The following SULF2 variants were observed in gnomAD, a reference collection of about 807,000 sequenced individuals.
SULF2 encodes sulfatase 2.
A neutral mutation model predicts 107.7 loss-of-function variants in SULF2; 52 were observed. The ratio of observed to expected loss-of-function variants is 0.48; its 90% CI spans 0.39 to 0.61. The LOEUF is 0.61. Ranked by LOEUF, SULF2 falls within the 20% of genes least tolerant of loss-of-function variation. The probability of loss-of-function intolerance (pLI) is 0.00; values close to 1 mark genes in which losing one functional copy is unlikely to be tolerated. For synonymous variants in SULF2, 460 were observed against 464.3 expected (o/e 0.99, Z 0.12); for missense variants, 993 against 1,177.3 (o/e 0.84, Z 2.29).
In SULF2 at chr20:47,761,491, C is replaced by T. The variant is rs144697461; in HGVS notation, c.-100-4028G>A. ...TTTTGGGAAAAGAAAACTTCCTACC[C>T]AAAGATAAATGGAAAGTGGACATCG... is the stretch of plus-strand genomic sequence containing the variant. On this transcript the variant is annotated intron_variant, in intron 1 of 20. Transcript: ENST00000688720. 5.0e-3 allele frequency among the ~76,000 whole-genome samples: 764 copies of T among 152,320 alleles called. 8 individuals are homozygous for T. The highest frequency in any genetic ancestry group is 0.017 in the African/African-American group (723 of 41,558).
intron 3 of SULF2, among the ~76,000 whole-genome samples, chr20:47,717,552 C>T (rs905882771): frequency 2.0e-5 from 3 of 152,144 alleles, no homozygotes; most frequent in East Asian, 1.9e-4. Context: ...ACTCAGCCTC[C>T]GAGAGCTCCT....
chr20:47,718,619 A>G (rs575749261), intron 3 of SULF2, among the ~76,000 whole-genome samples: 1 of 152,314 alleles, frequency 6.6e-6, no homozygotes, highest in African/African-American at 2.4e-5. Context: ...GGTTGGTTCC[A>G]GGCTATTTTT....
Position 47,766,828 on chromosome 20 carries a change from A to C in SULF2, c.-100-9365T>G, listed in dbSNP as rs567852999. On this transcript the variant is annotated intron_variant, in intron 1 of 20. Coordinates refer to ENST00000688720, the MANE Select transcript of SULF2 (RefSeq NM_001387048.1). ...TTTAGAAACAATGTATTCAAGTCTT[A>C]GGAAGCTGAGCACCAAAATGTTTTG... Among the ~76,000 whole-genome samples, 19 of 152,350 alleles carry C rather than the reference A, an allele frequency of 1.2e-4. No homozygotes were observed. In the South Asian group the frequency reaches 3.9e-3, roughly 32 times the overall value.
intron 14 of SULF2, 111 bp downstream of exon 14, chr20:47,665,088 G>GAAGATA: frequency 1.3e-6 from 1 of 771,910 alleles, no homozygotes; most frequent in South Asian, 1.5e-5. Flanking sequence ...CATGAGGGGA[G>GAAGATA]AAGATAAAGA....
chr20:47,745,402 AAAAAAAAAATATATATATATATAT>A (rs2089998515), intron 2 of SULF2, among the ~76,000 whole-genome samples: 2 of 26,862 alleles, frequency 7.4e-5, no homozygotes, highest in African/African-American at 4.2e-4. Context: ...AAAAAAAAAA[AAAAAAAAAATATATATATATATAT>A]ATATATATAT....
chr20:47,686,959 C>T (rs2088025631), intron 5 of SULF2, among the ~76,000 whole-genome samples: 1 of 152,112 alleles, frequency 6.6e-6, no homozygotes, highest in Non-Finnish European at 1.5e-5. Flanking sequence ...AGCTCAGCTC[C>T]CCTCTCAGAT....
intron 11 of SULF2, among the ~76,000 whole-genome samples, chr20:47,670,792 G>A (rs2087443747): frequency 6.6e-6 from 1 of 151,546 alleles, no homozygotes; most frequent in African/African-American, 2.4e-5. Context: ...TCATTTAGCA[G>A]ATAGGTTGCG....
chr20:47,681,349 T>C (rs1348831161), intron 7 of SULF2, among the ~76,000 whole-genome samples: 2 of 152,202 alleles, frequency 1.3e-5, no homozygotes, highest in Non-Finnish European at 2.9e-5. Context: ...CGTGTGTCTT[T>C]GGTCCCAAAC....
At chr20:47,667,464 A>T (rs543547503) in intron 11 of SULF2, among the ~76,000 whole-genome samples, 1 of 152,224 alleles carries the variant, frequency 6.6e-6, no homozygotes, top group Non-Finnish European at 1.5e-5. Flanking sequence ...AACATTAAAG[A>T]AAAAGGGGAG....
At chr20:47,713,712 T>C (rs1423781835) in intron 3 of SULF2, among the ~76,000 whole-genome samples, 1 of 151,242 alleles carries the variant, frequency 6.6e-6, no homozygotes, top group Non-Finnish European at 1.5e-5. Context: ...ATTGTGCCAC[T>C]GCACTCCAGC....
intron 1 of SULF2, among the ~76,000 whole-genome samples, chr20:47,771,284 TC>T (rs1320645183): frequency 6.7e-6 from 1 of 149,422 alleles, no homozygotes; most frequent in Non-Finnish European, 1.5e-5. Flanking sequence ...CGATGTCAGG[TC>T]CAGGGGGTTC....
rs1461158076 is a variant in SULF2, at chr20:47,677,065, A to T, written c.1250+13T>A. 1 of 1,613,388 alleles carries T rather than the reference A, an allele frequency of 6.2e-7. No homozygotes were observed. The highest frequency in any genetic ancestry group is 8.5e-7 in the Non-Finnish European group (1 of 1,179,846). ...GGTGGGCAGGGGTGTCCCTCCCAGGACCCGGCACTCACCCTCTCTCCACCA... is the reference window on the plus strand; with the variant it reads ...GGTGGGCAGGGGTGTCCCTCCCAGGTCCCGGCACTCACCCTCTCTCCACCA... On this transcript the variant is annotated intron_variant, in intron 9 of 20. Coordinates refer to ENST00000688720, the MANE Select transcript of SULF2 (RefSeq NM_001387048.1).
chr20:47,659,225 A>C (rs575848883), intron 20 of SULF2, among the ~76,000 whole-genome samples, 174 bp downstream of exon 20: 1 of 152,194 alleles, frequency 6.6e-6, no homozygotes, highest in Admixed American at 6.5e-5. Flanking sequence ...CTAAAACATG[A>C]AATGGATTCA....
chr20:47,664,165 G>T lies in SULF2; in HGVS notation c.2022C>A (p.Arg674=). ...KISYHTQHKG[R]LKHRGSSLHP... ...GCAGACTGGAGCCTCTGTGCTTGAGGCGGCCTTTGTGCTGGGTGTGGTAGC... is the reference window on the plus strand; with the variant it reads ...GCAGACTGGAGCCTCTGTGCTTGAGTCGGCCTTTGTGCTGGGTGTGGTAGC... The change falls in exon 15 of 21, where the codon CGC becomes CGA. Residue 674 remains arginine (R), a synonymous_variant. Transcript: ENST00000688720. 6.2e-7 allele frequency: 1 copy of T among 1,613,212 alleles called. No homozygotes were observed. The highest frequency in any genetic ancestry group is 1.3e-5 in the African/African-American group (1 of 75,044).
At chr20:47,677,923 G>A (rs2087703211) in intron 8 of SULF2, 1 of 152,290 alleles carries the variant, frequency 6.6e-6, no homozygotes, top group African/African-American at 2.4e-5. Context: ...GGAGCCTCTG[G>A]GAGGCCACAG....
chr20:47,682,950 G>C, intron 7 of SULF2, 44 bp downstream of exon 7: 1 of 1,530,866 alleles, frequency 6.5e-7, no homozygotes. Context: ...GCCCTGAGCT[G>C]GGCCCAGGGG....
chr20:47,738,948 C>A (rs2089812464), intron 2 of SULF2, among the ~76,000 whole-genome samples: 1 of 152,156 alleles, frequency 6.6e-6, no homozygotes, highest in Admixed American at 6.5e-5. Flanking sequence ...CCACATAGGA[C>A]ACAAAGTGGA....
At chr20:47,674,054 C>T (rs148561499) in intron 10 of SULF2, among the ~76,000 whole-genome samples, 2 of 152,394 alleles carry the variant, frequency 1.3e-5, no homozygotes, top group African/African-American at 2.4e-5. Context: ...AGCCCACAGC[C>T]TGTTTTTGTA....
At chr20:47,743,849 C>T (rs902448064) in intron 2 of SULF2, among the ~76,000 whole-genome samples, 5 of 152,204 alleles carry the variant, frequency 3.3e-5, no homozygotes, top group Admixed American at 6.5e-5. Flanking sequence ...ACACCAAGCA[C>T]GCTTCTGCCT....
Sources: gnomAD v4.1 joint callset for allele counts (sites outside exome capture counted in the v4.1 genomes callset) on GRCh38, gnomAD v4.1.1 for gene constraint, MANE v1.5 for transcripts, NCBI Gene and HGNC (gene_info 2026-07-23, HGNC 2026-07-21) for gene names.